Variants in ELP3 observed in about 807,000 individuals in gnomAD.
ELP3 encodes elongator complex protein 3.
In ELP3, 56 loss-of-function variants were observed where a neutral mutation model predicts 74.9. That is an observed-to-expected ratio of 0.75 (90% CI 0.60 to 0.93). The LOEUF (loss-of-function observed/expected upper bound fraction) is 0.93, where lower values mean the gene tolerates loss of function less well. Among genes scored for constraint, ELP3 ranks in the 40% least tolerant of loss-of-function variants. The pLI is 0.00. For missense variants in ELP3, 573 were observed against 686.5 expected (o/e 0.83, Z 1.85); for synonymous variants, 222 against 239.8 (o/e 0.93, Z 0.68).
At chr8:28,117,448 G>T (rs970281509) in intron 7 of ELP3, among the ~76,000 whole-genome samples, 1 of 152,152 alleles carries the variant, frequency 6.6e-6, no homozygotes, top group African/African-American at 2.4e-5. Flanking sequence ...AAGCCCTGTG[G>T]AAGAGAAATC....
chr8:28,093,153 C>T lies in ELP3; in HGVS notation c.-62C>T, dbSNP rs2305451. The stretch of plus-strand genomic sequence containing the variant: ...GATTGTTTTGTGGCTGTCAGCTTTC[C>T]CCGTGGTCTGAGTTTGTGGCTGCAT... On this transcript the variant is annotated 5_prime_UTR_variant, in exon 1 of 15. Transcript: ENST00000256398. 0.31 allele frequency: 495,253 copies of T among 1,598,326 alleles called. 78,603 individuals carry two copies. Among genetic ancestry groups the T allele is most frequent in the South Asian group, 0.33 (29,567 of 88,484 alleles).
intron 3 of ELP3, among the ~76,000 whole-genome samples, chr8:28,104,186 T>G (rs138539446): frequency 8.5e-4 from 130 of 152,370 alleles, no homozygotes; most frequent in African/African-American, 7.2e-4. Context: ...TCTTTTGCCC[T>G]GTTCTTAATT....
chr8:28,134,258 A>G (rs1158013831), intron 9 of ELP3, among the ~76,000 whole-genome samples: 13 of 152,224 alleles, frequency 8.5e-5, no homozygotes, highest in Admixed American at 7.2e-4. Context: ...AGTATGTTTC[A>G]TACTGTAGGA....
intron 7 of ELP3, among the ~76,000 whole-genome samples, chr8:28,119,765 C>G (rs1275744073): frequency 6.6e-6 from 1 of 151,782 alleles, no homozygotes; most frequent in Non-Finnish European, 1.5e-5. Context: ...AAATCCTCCC[C>G]TGCGCCTCCC....
intron 7 of ELP3, among the ~76,000 whole-genome samples, chr8:28,115,695 A>G (rs901182779): frequency 6.6e-6 from 1 of 152,212 alleles, no homozygotes; most frequent in African/African-American, 2.4e-5. Context: ...GGTTGGTGGT[A>G]GAATGGGATA....
At chr8:28,128,643 T>C (rs1812675906) in intron 7 of ELP3, among the ~76,000 whole-genome samples, 1 of 152,228 alleles carries the variant, frequency 6.6e-6, no homozygotes. Context: ...TTGAACATGC[T>C]GTTTACTCCC....
chr8:28,108,175 A>G (rs1205810525), intron 5 of ELP3, among the ~76,000 whole-genome samples, 199 bp downstream of exon 5: 1 of 152,226 alleles, frequency 6.6e-6, no homozygotes, highest in Admixed American at 6.5e-5. Context: ...AAATACTTAC[A>G]TAAGCATAAA....
rs565874465 is a variant in ELP3, at chr8:28,164,374, C to A, written c.1567+2296C>A. 7.9e-5 allele frequency among the ~76,000 whole-genome samples: 12 copies of A among 152,290 alleles called. No homozygotes were observed. In the East Asian group the frequency reaches 2.3e-3, roughly 29 times the overall value. On this transcript the variant is annotated intron_variant, in intron 14 of 14. Coordinates refer to ENST00000256398, the MANE Select transcript of ELP3 (RefSeq NM_018091.6). ...CAGATCATCTGCATGTAGAGTTTCT[C>A]AAATAACAAGAAGAGACTTGCTCAA...
chr8:28,105,591 A>G (rs563715898), intron 3 of ELP3, among the ~76,000 whole-genome samples: 1 of 152,310 alleles, frequency 6.6e-6, no homozygotes, highest in African/African-American at 2.4e-5. Flanking sequence ...AAGCGAGGAC[A>G]TATATATGTA....
Position 28,190,385 on chromosome 8 carries a change from G to C in ELP3, c.*660G>C, listed in dbSNP as rs1310327574. 1.3e-5 allele frequency: 2 copies of C among 152,216 alleles called. No individual in the cohort carries two copies. Among genetic ancestry groups the C allele is most frequent in the Non-Finnish European group, 2.9e-5 (2 of 68,120 alleles). The allele number at this position is 152,216 out of a possible 1,614,324, so 9.4% of individuals were successfully genotyped here. A position where few individuals can be genotyped will look rare whatever the true frequency, so the allele number is the denominator to read the frequency against. On this transcript the variant is annotated 3_prime_UTR_variant, in exon 15 of 15. Transcript: ENST00000256398. Reference sequence around the variant, plus strand: ...TACCATCCGAGACGGCGATGACAAAGAGCTTCATTCCACATTCTTTGTTAT... The same window carrying C: ...TACCATCCGAGACGGCGATGACAAACAGCTTCATTCCACATTCTTTGTTAT...
At chr8:28,106,533 C>A (rs965232313) in intron 3 of ELP3, among the ~76,000 whole-genome samples, 180 bp from the exon 4 acceptor site, 2 of 130,450 alleles carry the variant, frequency 1.5e-5, no homozygotes, top group African/African-American at 6.2e-5. Flanking sequence ...GAGCGAGACT[C>A]CGTCTCAAAA....
intron 7 of ELP3, among the ~76,000 whole-genome samples, chr8:28,125,240 G>C (rs1376704959): frequency 3.9e-5 from 6 of 152,250 alleles, no homozygotes; most frequent in Non-Finnish European, 7.3e-5. Flanking sequence ...ATGGAGAAGA[G>C]ATTGTATGTT....
chr8:28,100,770 TATG>T (rs1196891651), intron 3 of ELP3, among the ~76,000 whole-genome samples: 1 of 152,224 alleles, frequency 6.6e-6, no homozygotes, highest in Non-Finnish European at 1.5e-5. Context: ...ATGCTCTTGG[TATG>T]ATGTCAGTAT....
chr8:28,121,067 T>TA (rs1174917761), intron 7 of ELP3, among the ~76,000 whole-genome samples: 14 of 152,292 alleles, frequency 9.2e-5, no homozygotes, highest in African/African-American at 3.1e-4. Context: ...AATGCTCTAT[T>TA]AAAAAGTATA....
intron 14 of ELP3, among the ~76,000 whole-genome samples, chr8:28,172,805 A>G (rs887712135): frequency 2.6e-5 from 4 of 152,064 alleles, no homozygotes; most frequent in African/African-American, 9.7e-5. Context: ...AATGTTAAGG[A>G]AGTTCCCTTC....
At chr8:28,157,036 G>A (rs1366346788) in intron 11 of ELP3, among the ~76,000 whole-genome samples, 3 of 151,966 alleles carry the variant, frequency 2.0e-5, no homozygotes, top group Non-Finnish European at 2.9e-5. Context: ...ATCTCCTCTC[G>A]CCTCCAAGAA....
chr8:28,129,047 TTTTTC>T (rs145729624), intron 7 of ELP3, among the ~76,000 whole-genome samples: 3,880 of 152,308 alleles, frequency 0.025, 192 homozygotes, highest in African/African-American at 0.089. Flanking sequence ...TCCCCCCTTT[TTTTTC>T]TTTCATTTAA....
At chr8:28,166,328 ATAT>A (rs1814305877) in intron 14 of ELP3, among the ~76,000 whole-genome samples, 1 of 152,228 alleles carries the variant, frequency 6.6e-6, no homozygotes, top group Non-Finnish European at 1.5e-5. Context: ...CAGTAAGAAA[ATAT>A]TATTTTTTTA....
In ELP3 at chr8:28,155,691, A is replaced by G. The variant is rs138061703; in HGVS notation, c.1101-251A>G. 2.5e-4 allele frequency among the ~76,000 whole-genome samples: 38 copies of G among 152,342 alleles called. No homozygotes were observed. The East Asian group carries it at 6.9e-3, about 28-fold the overall frequency. ...CATTTGCTTAGCACTCTGTAATTTT[A>G]TAAAGTGATTTCCATCAGGTGCCTT... On this transcript the variant is annotated intron_variant, in intron 10 of 14. Transcript: ENST00000256398.
Sources: gnomAD v4.1 joint callset for allele counts (sites outside exome capture counted in the v4.1 genomes callset) on GRCh38, gnomAD v4.1.1 for gene constraint, MANE v1.5 for transcripts, NCBI Gene and HGNC (gene_info 2026-07-23, HGNC 2026-07-21) for gene names.